Variants in CCDC85A observed in about 807,000 individuals in gnomAD.
The protein encoded by CCDC85A is coiled-coil domain-containing protein 85A.
Under a neutral mutation model 50.2 loss-of-function variants are expected in CCDC85A, and 38 were observed. The observed-to-expected ratio is 0.76, with a 90% CI of 0.58 to 0.99. The LOEUF is 0.99. Among genes scored for constraint, CCDC85A ranks in the 50% least tolerant of loss-of-function variants. CCDC85A has a pLI of 0.00. For missense variants in CCDC85A, 820 were observed against 742.0 expected, an observed-to-expected ratio of 1.11 and a Z score of -1.22; for synonymous variants, 366 against 301.4, an observed-to-expected ratio of 1.21 and a Z score of -2.22.
At chr2:56,315,973 T>G (rs2104242387) in intron 2 of CCDC85A, among the ~76,000 whole-genome samples, 1 of 152,170 alleles carries the variant, frequency 6.6e-6, no homozygotes, top group East Asian at 1.9e-4. Context: ...CCTCCTTAGT[T>G]TGAAGTCAGA....
Position 56,372,390 on chromosome 2 carries a change from T to C in CCDC85A, c.1364T>C (p.Met455Thr), listed in dbSNP as rs1676118820. ...CCTCCAACTAGAAACAGCTCAAATATGGAGAAAGGCTGGGGGTCCAGAGCC... is the reference window on the plus strand; with the variant it reads ...CCTCCAACTAGAAACAGCTCAAATACGGAGAAAGGCTGGGGGTCCAGAGCC... ...RQPPTRNSSN[M>T]EKGWGSRARR... The change falls in exon 4 of 6, where the codon ATG (methionine) becomes ACG (threonine). Residue 455 changes from methionine to threonine, a missense_variant. Physicochemically the swap from Met to Thr is moderately conservative, Grantham distance 81 (BLOSUM62 -1). Coordinates refer to ENST00000407595, the MANE Select transcript of CCDC85A (RefSeq NM_001080433.2). The C allele has an allele frequency of 1.3e-6, 2 of 1,599,442 alleles. No homozygotes were observed. The highest frequency in any genetic ancestry group is 1.3e-5 in the African/African-American group (1 of 74,576).
At chr2:56,250,744 A>G (rs1669717368) in intron 2 of CCDC85A, among the ~76,000 whole-genome samples, 1 of 152,228 alleles carries the variant, frequency 6.6e-6, no homozygotes, top group East Asian at 1.9e-4. Flanking sequence ...TATTTGGTTA[A>G]TAAACAATCA....
At position 56,184,558 on chromosome 2, in the gene CCDC85A, C is replaced by G. The variant is rs1439590427; in HGVS notation, c.-67C>G. 2.2e-6 allele frequency: 3 copies of G among 1,357,582 alleles called. No homozygotes were observed. The highest frequency in any genetic ancestry group is 1.8e-5 in the South Asian group (1 of 56,138). 84.1% of individuals were successfully genotyped at this position (1,357,582 alleles called of 1,614,324 possible). ...GGGGTGTGGGCGGAGGCGGCCTCGC[C>G]GCGCCCGCGCCTTCGGGAGTCGCCT... On this transcript the variant is annotated 5_prime_UTR_variant, in exon 1 of 6. Coordinates refer to ENST00000407595, the MANE Select transcript of CCDC85A (RefSeq NM_001080433.2).
At chr2:56,314,382 C>A (rs967099311) in intron 2 of CCDC85A, among the ~76,000 whole-genome samples, 2 of 151,786 alleles carry the variant, frequency 1.3e-5, no homozygotes, top group African/African-American at 4.8e-5. Flanking sequence ...CTTCTCTAGG[C>A]CTCAGTTTCC....
chr2:56,184,398 G>A lies in CCDC85A; in HGVS notation c.-227G>A. Reference sequence around the variant, plus strand: ...TTGGGACGGGCCTCGGCAGCAGCAAGCGGCTGGCTGCCGGGCCCTGGGGGA... The same window carrying A: ...TTGGGACGGGCCTCGGCAGCAGCAAACGGCTGGCTGCCGGGCCCTGGGGGA... On this transcript the variant is annotated 5_prime_UTR_variant, in exon 1 of 6. Coordinates refer to ENST00000407595, the MANE Select transcript of CCDC85A (RefSeq NM_001080433.2). 2.0e-6 allele frequency: 1 copy of A among 508,486 alleles called. No individual in the cohort carries two copies. Among genetic ancestry groups the A allele is most frequent in the Non-Finnish European group, 2.9e-6 (1 of 345,232 alleles). 31.5% of individuals were successfully genotyped at this position (508,486 alleles called of 1,614,324 possible).
chr2:56,244,091 C>T (rs777762341), intron 2 of CCDC85A, among the ~76,000 whole-genome samples: 1 of 152,170 alleles, frequency 6.6e-6, no homozygotes, highest in Non-Finnish European at 1.5e-5. Context: ...TATGTTCACT[C>T]AAGACACTAG....
intron 2 of CCDC85A, among the ~76,000 whole-genome samples, chr2:56,323,877 A>G (rs1477183720): frequency 6.6e-6 from 1 of 152,082 alleles, no homozygotes; most frequent in Non-Finnish European, 1.5e-5. Context: ...TCACCCCCAC[A>G]TAGAGAACAA....
chr2:56,235,213 G>T (rs538510125), intron 2 of CCDC85A: 1 of 152,242 alleles, frequency 6.6e-6, no homozygotes, highest in South Asian at 2.1e-4. Context: ...TCATTAGTTG[G>T]AATTGTTAAC....
intron 2 of CCDC85A, among the ~76,000 whole-genome samples, chr2:56,259,387 C>T (rs1028584123): frequency 2.0e-5 from 3 of 152,168 alleles, no homozygotes; most frequent in Admixed American, 1.3e-4. Context: ...GCTTCCCCGG[C>T]ACCATATCCC....
chr2:56,192,506 C>G lies in CCDC85A; in HGVS notation c.306C>G (p.Asn102Lys). ...KDINQKLQED[N>K]QELRDLCCFL... ...TCAACCAGAAACTCCAGGAAGACAA[C>G]CAGGAACTGAGGGACCTCTGCTGTT... Residue 102 changes from asparagine (N) to lysine (K), a missense_variant, in exon 2 of 6, where the codon AAC (asparagine) becomes AAG (lysine). Physicochemically the swap from Asn to Lys is moderately conservative, Grantham distance 94 (BLOSUM62 0). Transcript: ENST00000407595. The surrounding 1 kb of genome is among the most constrained non-coding windows in gnomAD (Gnocchi z 4.7). 1 of 1,613,218 alleles carries G rather than the reference C, an allele frequency of 6.2e-7. No individual in the cohort carries two copies. The highest frequency in any genetic ancestry group is 2.2e-5 in the East Asian group (1 of 44,844).
At position 56,369,342 on chromosome 2, in the gene CCDC85A, A is replaced by G. The variant is rs73940696; in HGVS notation, c.1318-3002A>G. 3.9e-3 allele frequency among the ~76,000 whole-genome samples: 595 copies of G among 152,250 alleles called. 5 individuals are homozygous for G. Among genetic ancestry groups the G allele is most frequent in the African/African-American group, 0.014 (571 of 41,560 alleles). ...TAGATGAGAACTATTTATTATTAGA[A>G]TGGTCGTAGTTTGAAGAGAAAATGT... On this transcript the variant is annotated intron_variant, in intron 3 of 5. Transcript: ENST00000407595.
rs372128269 is a variant in CCDC85A at position 56,337,778 on chromosome 2, C to G, written c.1241-5101C>G. ...TGCTTATAAGTTTCTTGAATATAGG[C>G]TCCTTTTTTTTTTCTTTTTTTTTTG... On this transcript the variant is annotated intron_variant, in intron 2 of 5. Transcript: ENST00000407595. 3.7e-3 allele frequency among the ~76,000 whole-genome samples: 549 copies of G among 148,438 alleles called. 2 individuals are homozygous for G. Among genetic ancestry groups the G allele is most frequent in the African/African-American group, 0.014 (523 of 38,524 alleles).
At chr2:56,234,194 C>G (rs1022808549) in intron 2 of CCDC85A, among the ~76,000 whole-genome samples, 1 of 152,158 alleles carries the variant, frequency 6.6e-6, no homozygotes, top group Non-Finnish European at 1.5e-5. Context: ...ACCATGAGCC[C>G]ATAGACTTTC....
At chr2:56,255,111 C>T (rs568066826) in intron 2 of CCDC85A, among the ~76,000 whole-genome samples, 3 of 152,318 alleles carry the variant, frequency 2.0e-5, no homozygotes, top group Non-Finnish European at 2.9e-5. Context: ...TTGCTCTTCT[C>T]TGTTCCCACC....
intron 2 of CCDC85A, among the ~76,000 whole-genome samples, chr2:56,220,930 T>A (rs1370321001): frequency 6.6e-6 from 1 of 151,970 alleles, no homozygotes; most frequent in African/African-American, 2.4e-5. Context: ...TCTTAAATGG[T>A]CTCTCCATTT....
intron 3 of CCDC85A, among the ~76,000 whole-genome samples, chr2:56,367,823 T>TA (rs1419012890): frequency 6.6e-6 from 1 of 152,208 alleles, no homozygotes; most frequent in African/African-American, 2.4e-5. Context: ...CAAATGCTTA[T>TA]AGAGCACTTA....
chr2:56,193,093 C>G lies in CCDC85A; in HGVS notation c.893C>G (p.Pro298Arg). ...CCCGAACAGCAAAGGCACCCGCATC[C>G]AGGGAGCAGCCCCGAAACGCTGCCC... ...GSPEQQRHPH[P>R]GSSPETLPKH... The change falls in exon 2 of 6, where the codon CCA (proline) becomes CGA (arginine). Residue 298 changes from proline to arginine, a missense_variant. Coordinates refer to ENST00000407595, the MANE Select transcript of CCDC85A (RefSeq NM_001080433.2). 2 of 1,613,688 alleles carry G rather than the reference C, an allele frequency of 1.2e-6. No individual in the cohort carries two copies. The highest frequency in any genetic ancestry group is 1.7e-5 in the Admixed American group (1 of 60,000).
chr2:56,380,184 A>T (rs1170130156), intron 5 of CCDC85A, among the ~76,000 whole-genome samples: 2 of 152,186 alleles, frequency 1.3e-5, no homozygotes, highest in Non-Finnish European at 2.9e-5. Context: ...AGTTTGTTAA[A>T]GATCAGTGTT....
At chr2:56,361,508 GAA>G (rs1196729439) in intron 3 of CCDC85A, among the ~76,000 whole-genome samples, 7 of 152,096 alleles carry the variant, frequency 4.6e-5, no homozygotes, top group African/African-American at 1.7e-4. Flanking sequence ...TAATCACTAT[GAA>G]GAAAATAAAA....
Sources: allele counts gnomAD v4.1 joint callset (sites outside exome capture counted in the v4.1 genomes callset), GRCh38; gene constraint gnomAD v4.1.1; non-coding constraint Gnocchi (gnomAD v3.1); transcripts MANE v1.5; gene names NCBI Gene and HGNC (gene_info 2026-07-23, HGNC 2026-07-21).